Variants in AUTS2 observed in about 807,000 individuals in gnomAD.
AUTS2 encodes the protein activator of transcription and developmental regulator AUTS2.
AUTS2 carries 17 observed loss-of-function variants against 112.4 expected under a neutral mutation model. The observed-to-expected ratio is 0.15, with a 90% CI of 0.10 to 0.23. AUTS2 has a LOEUF of 0.23. Ranked by LOEUF, AUTS2 falls within the 10% of genes least tolerant of loss-of-function variation. AUTS2 has a pLI of 1.00. For synonymous variants in AUTS2, 751 were observed against 702.7 expected (o/e 1.07, Z -1.09); for missense variants, 1,510 against 1,701.6 (o/e 0.89, Z 1.98).
intron 4 of AUTS2, among the ~76,000 whole-genome samples, chr7:70,343,582 G>A (rs565235369): frequency 1.3e-5 from 2 of 152,302 alleles, no homozygotes; most frequent in Admixed American, 6.5e-5. Flanking sequence ...GTGATGGAAT[G>A]TAAGGGAAGA....
At chr7:69,807,228 G>A (rs1462398539) in intron 1 of AUTS2, among the ~76,000 whole-genome samples, 4 of 152,028 alleles carry the variant, frequency 2.6e-5, no homozygotes, top group African/African-American at 9.7e-5. Flanking sequence ...ATTGGATTGT[G>A]TCACTGTGGG....
intron 5 of AUTS2, among the ~76,000 whole-genome samples, chr7:70,693,318 CG>C (rs1204089668): frequency 1.3e-5 from 2 of 152,124 alleles, no homozygotes; most frequent in Non-Finnish European, 2.9e-5. Flanking sequence ...GGATGATAGA[CG>C]TAACTGCTGC....
intron 5 of AUTS2, among the ~76,000 whole-genome samples, chr7:70,614,653 C>T (rs1288239861): frequency 2.0e-5 from 3 of 152,218 alleles, no homozygotes; most frequent in Non-Finnish European, 1.5e-5. Flanking sequence ...CCCCCACCCC[C>T]ACGCTGGCCT....
In AUTS2 at chr7:70,454,116, C is replaced by T. The variant is rs551694618; in HGVS notation, c.690+18335C>T. 2.1e-4 allele frequency among the ~76,000 whole-genome samples: 32 copies of T among 152,236 alleles called. No homozygotes were observed. The East Asian group carries it at 3.3e-3, about 16-fold the overall frequency. Reference sequence around the variant, plus strand: ...GCGGAGGACATAGTTTGTGGGTGGTCGAAGAACTATGACTGCCACCAAGGA... The same window carrying T: ...GCGGAGGACATAGTTTGTGGGTGGTTGAAGAACTATGACTGCCACCAAGGA... On this transcript the variant is annotated intron_variant, in intron 5 of 18. Transcript: ENST00000342771.
chr7:70,642,487 T>A (rs1805889368), intron 5 of AUTS2, among the ~76,000 whole-genome samples: 1 of 152,228 alleles, frequency 6.6e-6, no homozygotes, highest in Non-Finnish European at 1.5e-5. Context: ...TAATACTTTG[T>A]ACCATTTCCT....
At chr7:69,680,014 T>C (rs1213222703) in intron 1 of AUTS2, among the ~76,000 whole-genome samples, 1 of 152,248 alleles carries the variant, frequency 6.6e-6, no homozygotes, top group Non-Finnish European at 1.5e-5. Flanking sequence ...ATTATATACT[T>C]GTCTCTACAT....
At chr7:70,399,204 G>A (rs1794220766) in intron 4 of AUTS2, among the ~76,000 whole-genome samples, 1 of 151,536 alleles carries the variant, frequency 6.6e-6, no homozygotes, top group Admixed American at 6.6e-5. Context: ...TGCCCAGGCT[G>A]GTCTCAAACC....
intron 5 of AUTS2, among the ~76,000 whole-genome samples, chr7:70,454,988 G>A (rs1796676569): frequency 6.6e-6 from 1 of 152,206 alleles, no homozygotes; most frequent in African/African-American, 2.4e-5. Flanking sequence ...AAAGCCAGGT[G>A]GAGGGAGTCC....
chr7:70,671,044 C>T (rs576322396), intron 5 of AUTS2, among the ~76,000 whole-genome samples: 43 of 152,284 alleles, frequency 2.8e-4, no homozygotes, highest in South Asian at 2.1e-3. Context: ...TGGTGGCGCA[C>T]GCCTGTGATC....
chr7:70,500,921 C>G (rs935888944), intron 5 of AUTS2, among the ~76,000 whole-genome samples: 2 of 152,044 alleles, frequency 1.3e-5, no homozygotes, highest in African/African-American at 4.8e-5. Context: ...TGGGGTTTCA[C>G]CATGTTGGCC....
intron 1 of AUTS2, among the ~76,000 whole-genome samples, chr7:69,655,229 T>C (rs1795468875): frequency 1.3e-5 from 2 of 152,220 alleles, no homozygotes; most frequent in East Asian, 1.9e-4. Flanking sequence ...GCATTGTGGC[T>C]GAGTGCAAAA....
Position 69,975,225 on chromosome 7 carries a change from A to G in AUTS2, c.522+75727A>G, listed in dbSNP as rs1302179132. 2.0e-5 allele frequency among the ~76,000 whole-genome samples: 3 copies of G among 152,168 alleles called. No individual in the cohort carries two copies. In the East Asian group the frequency reaches 5.8e-4, roughly 29 times the overall value. ...TGGCCTTCAGGGTTTCTCATGAGAC[A>G]TCCACTATCCTTCTTTTGTCTAGAT... On this transcript the variant is annotated intron_variant, in intron 2 of 18. Transcript: ENST00000342771.
At chr7:70,501,069 T>A (rs1028600351) in intron 5 of AUTS2, among the ~76,000 whole-genome samples, 2 of 152,208 alleles carry the variant, frequency 1.3e-5, no homozygotes, top group African/African-American at 4.8e-5. Context: ...TAATTTGAGA[T>A]ATGAGGAAAA....
rs894840373 is a variant in AUTS2 at position 70,491,138 on chromosome 7, A to G, written c.690+55357A>G. On this transcript the variant is annotated intron_variant, in intron 5 of 18. Coordinates refer to ENST00000342771, the MANE Select transcript of AUTS2 (RefSeq NM_015570.4). ...GTTTTCTCCCCCTGCTCAGATGTTT[A>G]CCTGGCAGGAGTGCCTGCCGTGTCT... is the stretch of plus-strand genomic sequence containing the variant. 9.9e-5 allele frequency among the ~76,000 whole-genome samples: 15 copies of G among 152,178 alleles called. 1 individual carries two copies. Among genetic ancestry groups the G allele is most frequent in the South Asian group, 4.1e-4 (2 of 4,830 alleles).
At chr7:69,828,448 A>G (rs1791352866) in intron 1 of AUTS2, among the ~76,000 whole-genome samples, 1 of 152,164 alleles carries the variant, frequency 6.6e-6, no homozygotes, top group African/African-American at 2.4e-5. Context: ...GATAGATACT[A>G]TCTTTGATGA....
At chr7:69,795,664 C>T (rs923900257) in intron 1 of AUTS2, among the ~76,000 whole-genome samples, 6 of 152,124 alleles carry the variant, frequency 3.9e-5, no homozygotes, top group African/African-American at 1.4e-4. Flanking sequence ...CAGTTGGATG[C>T]GAAAGGTTTG....
intron 1 of AUTS2, among the ~76,000 whole-genome samples, chr7:69,876,482 GTGTATATATA>G (rs1793790084): frequency 5.3e-5 from 2 of 37,952 alleles, no homozygotes; most frequent in African/African-American, 2.8e-4. Context: ...AAAATATTTT[GTGTATATATA>G]TATATATATA....
chr7:69,645,308 A>AT (rs1794977420), intron 1 of AUTS2, among the ~76,000 whole-genome samples: 1 of 152,098 alleles, frequency 6.6e-6, no homozygotes. Context: ...AAAGTGGGTC[A>AT]TTTTTTGACC....
intron 6 of AUTS2, among the ~76,000 whole-genome samples, chr7:70,709,603 C>G (rs886800507): frequency 6.6e-6 from 1 of 152,124 alleles, no homozygotes; most frequent in African/African-American, 2.4e-5. Context: ...CCCAGGTGCT[C>G]GGGAGACTGA....
Sources: allele counts gnomAD v4.1 joint callset (sites outside exome capture counted in the v4.1 genomes callset), GRCh38; gene constraint gnomAD v4.1.1; transcripts MANE v1.5; gene names NCBI Gene and HGNC (gene_info 2026-07-23, HGNC 2026-07-21).